GRAMD1A: variants seen among roughly 807,000 people sequenced by gnomAD.
GRAMD1A encodes the protein GRAM domain containing 1A, also known as protein Aster-A.
In GRAMD1A, 50 loss-of-function variants were observed where a neutral mutation model predicts 92.0. The ratio of observed to expected loss-of-function variants is 0.54; its 90% CI spans 0.43 to 0.69. GRAMD1A has a LOEUF of 0.69. Among genes scored for constraint, GRAMD1A ranks in the 30% least tolerant of loss-of-function variants. The pLI is 0.00. For synonymous variants in GRAMD1A, 405 were observed against 403.6 expected (o/e 1.00, Z -0.04); for missense variants, 819 against 978.9 (o/e 0.84, Z 2.18).
In GRAMD1A at chr19:35,013,529, C is replaced by G. The variant is rs533809888; in HGVS notation, c.720-12C>G. 11 of 1,595,208 alleles carry G rather than the reference C, an allele frequency of 6.9e-6. No individual in the cohort carries two copies. The South Asian group carries it at 9.0e-5, about 13-fold the overall frequency. On this transcript the variant is annotated splice_polypyrimidine_tract_variant and intron_variant, in intron 8 of 19. Transcript: ENST00000317991. This position sits in a 1 kb window ranked among gnomAD's most constrained non-coding sequence, Gnocchi z 4.9. Reference sequence around the variant, plus strand: ...AGGACACAGCAGTCCCGCTTCCTCCCCTTTCCCACAGGACCCCCAAGGAAG... The same window carrying G: ...AGGACACAGCAGTCCCGCTTCCTCCGCTTTCCCACAGGACCCCCAAGGAAG...
In GRAMD1A at chr19:35,010,319, G is replaced by A; in HGVS notation, c.465G>A (p.Lys155=). The A allele has an allele frequency of 6.2e-7, 1 of 1,613,922 alleles. No individual in the cohort carries two copies. The highest frequency in any genetic ancestry group is 8.5e-7 in the Non-Finnish European group (1 of 1,179,750). Residue 155 remains lysine (K), a synonymous_variant, in exon 6 of 20, where the codon AAG becomes AAA. Transcript: ENST00000317991. ...SIQLKEVTCL[K]KEKTAKLIPN... ...AGCTGAAGGAAGTGACATGTCTGAA[G>A]AAGGAAAAGACGGCCAAGCTGATCC...
chr19:35,022,195 C>T (rs529286105), intron 16 of GRAMD1A, among the ~76,000 whole-genome samples, 157 bp downstream of exon 16: 251 of 152,130 alleles, frequency 1.6e-3, no homozygotes, highest in African/African-American at 5.9e-3. Flanking sequence ...TGGGATGTGC[C>T]GGTTTGTCAT....
At chr19:34,998,279 G>T (rs910734829), upstream of GRAMD1A, 11 of 150,018 alleles carry the variant, frequency 7.3e-5, no homozygotes, top group African/African-American at 2.7e-4. Flanking sequence ...GGGACATAGA[G>T]GACTGTTATA....
Position 35,026,176 on chromosome 19 carries a change from C to T in GRAMD1A, c.*35C>T, listed in dbSNP as rs577206428. ...CCACGCAGCTGTTCCCCCACATGGA[C>T]AGATGGACACACAGAGCCTCGGCGG... On this transcript the variant is annotated 3_prime_UTR_variant, in exon 20 of 20. Coordinates refer to ENST00000317991, the MANE Select transcript of GRAMD1A (RefSeq NM_020895.5). 71 of 1,053,074 alleles carry T rather than the reference C, an allele frequency of 6.7e-5. No homozygotes were observed. The South Asian group carries it at 7.6e-4, about 11-fold the overall frequency. The allele number at this position is 1,053,074 out of a possible 1,614,324, so 65.2% of individuals were successfully genotyped here.
intron 1 of GRAMD1A, among the ~76,000 whole-genome samples, chr19:35,008,684 G>T (rs947473607): frequency 6.6e-6 from 1 of 152,118 alleles, no homozygotes; most frequent in Admixed American, 6.6e-5. Context: ...ATGTGTGGTG[G>T]CAGGAACCTG....
At chr19:35,000,279 A>G (rs1181465050), upstream of GRAMD1A, 2 of 1,028,962 alleles carry the variant, frequency 1.9e-6, no homozygotes, top group Non-Finnish European at 2.3e-6. The surrounding 1 kb of genome is among the most constrained non-coding windows in gnomAD (Gnocchi z 4.9). Context: ...CGGGGGAAGG[A>G]AGGGGGTGTC....
At chr19:35,010,759 TGTGGGG>T in intron 6 of GRAMD1A, 1 of 508,544 alleles carries the variant, frequency 2.0e-6, no homozygotes, top group Non-Finnish European at 3.4e-6. Flanking sequence ...GGGGGACAGG[TGTGGGG>T]GACACTTCCC....
intron 1 of GRAMD1A, chr19:35,001,374 C>T (rs1009914081): frequency 6.6e-6 from 1 of 152,530 alleles, no homozygotes; most frequent in East Asian, 1.9e-4. Context: ...CTGAGTGTGA[C>T]GTTGGAGTGT....
chr19:34,999,862 G>C (rs1321475350), upstream of GRAMD1A: 1 of 189,412 alleles, frequency 5.3e-6, no homozygotes, highest in Non-Finnish European at 9.8e-6. Flanking sequence ...GACTGGGAGA[G>C]GGAAGGAGGA....
Position 35,010,203 on chromosome 19 carries a change from C to G in GRAMD1A, c.429+8C>G. On this transcript the variant is annotated splice_region_variant and intron_variant, in intron 5 of 19. Transcript: ENST00000317991. ...TTCCGCTGGGAGACCACGGTGAGCC[C>G]GCAGCGGGGCAGGGTACAGGGGCGG... 1.2e-6 allele frequency: 2 copies of G among 1,605,772 alleles called. No homozygotes were observed. Among genetic ancestry groups the G allele is most frequent in the Non-Finnish European group, 1.7e-6 (2 of 1,172,300 alleles).
chr19:35,020,001 C>T (rs1315366455), intron 13 of GRAMD1A, among the ~76,000 whole-genome samples: 2 of 151,356 alleles, frequency 1.3e-5, no homozygotes, highest in Non-Finnish European at 2.9e-5. Context: ...GAGCTGAGAG[C>T]AACTCATTTG....
rs2016419224 is a variant in GRAMD1A, at chr19:35,026,128, A to G, written c.2162A>G (p.Asp721Gly). 6.4e-7 allele frequency: 1 copy of G among 1,572,420 alleles called. No individual in the cohort carries two copies. The highest frequency in any genetic ancestry group is 8.8e-7 in the Non-Finnish European group (1 of 1,142,076). ...TTTGACACCCAGCCCCGGCCCGATG[A>G]CAGCTTTTCCTGAGGACCCCGGCCA... is the stretch of plus-strand genomic sequence containing the variant. ...PPFDTQPRPD[D>G]SFS Residue 721 changes from aspartate to glycine, a missense_variant, in exon 20 of 20, where the codon GAC becomes GGC. By Grantham distance (94) the Asp-to-Gly change is moderately conservative. Coordinates refer to ENST00000317991, the MANE Select transcript of GRAMD1A (RefSeq NM_020895.5).
chr19:35,023,054 G>A, intron 17 of GRAMD1A, 143 bp downstream of exon 17: 1 of 837,674 alleles, frequency 1.2e-6, no homozygotes, highest in Non-Finnish European at 2.0e-6. Flanking sequence ...AGACAGACCT[G>A]GGTTTGAACA....
At chr19:35,020,046 T>C (rs1477486447) in intron 13 of GRAMD1A, among the ~76,000 whole-genome samples, 1 of 151,996 alleles carries the variant, frequency 6.6e-6, no homozygotes, top group Admixed American at 6.6e-5. Context: ...GGCAGGGGTG[T>C]GGGCAATGGC....
chr19:35,015,804 C>A lies in GRAMD1A; in HGVS notation c.1070-20C>A. ...GAGGAGTGGAGGCAGTCATCATCCT[C>A]GGCTCTCCTCTGTCTCCAGCGGACT... is the stretch of plus-strand genomic sequence containing the variant. On this transcript the variant is annotated intron_variant, in intron 10 of 19. Coordinates refer to ENST00000317991, the MANE Select transcript of GRAMD1A (RefSeq NM_020895.5). 6.2e-7 allele frequency: 1 copy of A among 1,609,768 alleles called. No individual in the cohort carries two copies. The highest frequency in any genetic ancestry group is 8.5e-7 in the Non-Finnish European group (1 of 1,177,830).
At chr19:34,996,231 C>T (rs1217862504), upstream of GRAMD1A, 1 of 1,535,772 alleles carries the variant, frequency 6.5e-7, no homozygotes, top group South Asian at 1.2e-5. Flanking sequence ...GCCTGCACCC[C>T]AACCCCCCGA....
chr19:35,005,094 G>A (rs578019642), intron 1 of GRAMD1A, among the ~76,000 whole-genome samples: 1 of 152,088 alleles, frequency 6.6e-6, no homozygotes, highest in East Asian at 1.9e-4. Flanking sequence ...TGGGGGGCGG[G>A]GAAGGAGGGC....
Position 35,023,512 on chromosome 19 carries a change from C to G in GRAMD1A, c.2047C>G (p.Gln683Glu). 1.3e-6 allele frequency: 2 copies of G among 1,583,958 alleles called. No individual in the cohort carries two copies. Among genetic ancestry groups the G allele is most frequent in the Non-Finnish European group, 1.7e-6 (2 of 1,167,494 alleles). The change falls in exon 19 of 20, where the codon CAG becomes GAG. Residue 683 changes from glutamine to glutamate, a missense_variant. By Grantham distance (29) the Gln-to-Glu change is conservative (BLOSUM62 2). Around this residue, in one of 3 missense-constraint regions of GRAMD1A, gnomAD observed 577 missense variants for 674.6 expected, o/e 0.86. Coordinates refer to ENST00000317991, the MANE Select transcript of GRAMD1A (RefSeq NM_020895.5). ...FHSVEVHKWR[Q>E]ILRASVELLD... is the part of the protein sequence containing the mutation. Reference sequence around the variant, plus strand: ...CAGCGTGGAGGTGCACAAGTGGAGGCAGATCCTGCGGGCCTCCGTGGAGCT... The same window carrying G: ...CAGCGTGGAGGTGCACAAGTGGAGGGAGATCCTGCGGGCCTCCGTGGAGCT...
chr19:35,023,427 C>T lies in GRAMD1A; in HGVS notation c.1962C>T (p.Gly654=), dbSNP rs2016218395. 1.3e-6 allele frequency: 2 copies of T among 1,594,546 alleles called. No homozygotes were observed. Among genetic ancestry groups the T allele is most frequent in the Middle Eastern group, 1.7e-4 (1 of 5,962 alleles). ...ESWHSLALAK[G]KFPQTATEWA... Reference sequence around the variant, plus strand: ...CTGCTCAGGCCTGGCATCCCCACAGCAAGTTCCCCCAGACGGCCACAGAGT... The same window carrying T: ...CTGCTCAGGCCTGGCATCCCCACAGTAAGTTCCCCCAGACGGCCACAGAGT... The change falls in exon 19 of 20, where the codon GGC becomes GGT. Residue 654 remains glycine, a splice_region_variant and synonymous_variant. Coordinates refer to ENST00000317991, the MANE Select transcript of GRAMD1A (RefSeq NM_020895.5).
Sources: allele counts gnomAD v4.1 joint callset (sites outside exome capture counted in the v4.1 genomes callset), GRCh38; gene constraint gnomAD v4.1.1; regional missense constraint gnomAD v4.1.1; non-coding constraint Gnocchi (gnomAD v3.1); transcripts MANE v1.5; gene names NCBI Gene and HGNC (gene_info 2026-07-23, HGNC 2026-07-21).